The following TSHR variants were observed in gnomAD, a reference collection of about 807,000 sequenced individuals.
TSHR encodes thyrotropin receptor.
Under a neutral mutation model 64.1 loss-of-function variants are expected in TSHR, and 51 were observed. That is an observed-to-expected ratio of 0.80 (90% CI 0.64 to 1.01). TSHR has a LOEUF of 1.01. TSHR is among the 50% of genes least tolerant of loss of function. The pLI is 0.00. For synonymous variants in TSHR, 361 were observed against 361.9 expected (o/e 1.00, Z 0.03); for missense variants, 877 against 942.8 (o/e 0.93, Z 0.91).
chr14:81,094,173 A>T (rs1386925069), intron 6 of TSHR: 1 of 152,244 alleles, frequency 6.6e-6, no homozygotes, highest in Admixed American at 6.5e-5. Flanking sequence ...TCAAAAAACT[A>T]TCAACTTGAA....
At chr14:81,011,181 A>C (rs1415150024) in intron 1 of TSHR, among the ~76,000 whole-genome samples, 1 of 151,486 alleles carries the variant, frequency 6.6e-6, no homozygotes, top group Non-Finnish European at 1.5e-5. Context: ...GAATTGAAAC[A>C]CTTTTCTTTT....
intron 1 of TSHR, among the ~76,000 whole-genome samples, chr14:81,059,722 T>C (rs1345850953): frequency 6.6e-6 from 1 of 152,150 alleles, no homozygotes; most frequent in Non-Finnish European, 1.5e-5. Context: ...TAATCCTTAT[T>C]GGTCTATATA....
intron 3 of TSHR, among the ~76,000 whole-genome samples, chr14:81,082,620 G>GA (rs1887988251): frequency 6.6e-6 from 1 of 152,004 alleles, no homozygotes; most frequent in Admixed American, 6.6e-5. Flanking sequence ...AAGTAAACGG[G>GA]AAAAAAATTG....
chr14:81,085,649 TTC>T (rs1888233679), intron 3 of TSHR, among the ~76,000 whole-genome samples: 1 of 152,338 alleles, frequency 6.6e-6, no homozygotes, highest in African/African-American at 2.4e-5. Context: ...GGGCTGCATT[TTC>T]TTTCACTCTG....
At chr14:81,011,809 G>A (rs928442199) in intron 1 of TSHR, among the ~76,000 whole-genome samples, 6 of 152,008 alleles carry the variant, frequency 3.9e-5, no homozygotes, top group East Asian at 1.9e-4. Flanking sequence ...GCAGTGAGCC[G>A]AGATCGCGCC....
At chr14:81,041,435 G>A (rs1434070479) in intron 1 of TSHR, among the ~76,000 whole-genome samples, 1 of 152,108 alleles carries the variant, frequency 6.6e-6, no homozygotes, top group South Asian at 2.1e-4. Flanking sequence ...ACCAAATACA[G>A]CATGTCCTCA....
chr14:81,119,756 A>G (rs1409307432), intron 8 of TSHR, among the ~76,000 whole-genome samples: 2 of 118,186 alleles, frequency 1.7e-5, no homozygotes, highest in African/African-American at 7.6e-5. Context: ...ACTATTCACA[A>G]TAGCAAAGAC....
At chr14:81,125,341 G>T (rs1459005659) in intron 8 of TSHR, among the ~76,000 whole-genome samples, 1 of 152,192 alleles carries the variant, frequency 6.6e-6, no homozygotes, top group African/African-American at 2.4e-5. Context: ...CAGGCAAAAG[G>T]ATAGTGTTGG....
intron 1 of TSHR, among the ~76,000 whole-genome samples, chr14:81,057,392 CAA>C (rs1187440017): frequency 1.3e-5 from 2 of 151,836 alleles, no homozygotes; most frequent in Non-Finnish European, 2.9e-5. Flanking sequence ...GCCTGGGTGA[CAA>C]GAGTGAAACT....
intron 8 of TSHR, among the ~76,000 whole-genome samples, chr14:81,115,618 C>T (rs912776675): frequency 2.0e-5 from 3 of 151,814 alleles, no homozygotes; most frequent in Non-Finnish European, 2.9e-5. Context: ...AGGATATTAT[C>T]CAGGAGAAAT....
At chr14:81,038,350 G>C (rs2139838997) in intron 1 of TSHR, among the ~76,000 whole-genome samples, 1 of 151,322 alleles carries the variant, frequency 6.6e-6, no homozygotes, top group South Asian at 2.1e-4. Flanking sequence ...TAAGAGGGAA[G>C]TTTATAGCAA....
chr14:81,066,275 C>A (rs1039711891), intron 2 of TSHR, among the ~76,000 whole-genome samples: 2 of 152,284 alleles, frequency 1.3e-5, no homozygotes, highest in Non-Finnish European at 2.9e-5. Context: ...CTTAGGGAAA[C>A]AAGTTGGCAG....
intron 3 of TSHR, among the ~76,000 whole-genome samples, chr14:81,072,790 G>T (rs569852075): frequency 1.5e-5 from 2 of 137,798 alleles, no homozygotes; most frequent in African/African-American, 6.7e-5. Context: ...GAGGTCAGGA[G>T]ATCGAGACCA....
At chr14:81,060,298 TG>T (rs1170054295) in intron 1 of TSHR, among the ~76,000 whole-genome samples, 2 of 152,160 alleles carry the variant, frequency 1.3e-5, no homozygotes, top group Non-Finnish European at 2.9e-5. Context: ...TCCTTTGGCA[TG>T]GCCCAATTTT....
At chr14:81,087,607 G>T in intron 3 of TSHR, 1 of 334,576 alleles carries the variant, frequency 3.0e-6, no homozygotes, top group Admixed American at 4.3e-5. Context: ...AAAGATATTT[G>T]TCTTCAACTC....
intron 1 of TSHR, among the ~76,000 whole-genome samples, chr14:81,049,084 C>A (rs1250338825): frequency 6.6e-6 from 1 of 152,036 alleles, no homozygotes; most frequent in Non-Finnish European, 1.5e-5. Flanking sequence ...AGAACCTAAC[C>A]AGGACATTAA....
chr14:81,029,343 A>G (rs965667178), intron 1 of TSHR, among the ~76,000 whole-genome samples: 2 of 151,968 alleles, frequency 1.3e-5, no homozygotes, highest in African/African-American at 4.8e-5. Flanking sequence ...ACTTTTGAGG[A>G]TTATATATAT....
chr14:81,110,544 T>C (rs12878605), intron 8 of TSHR, among the ~76,000 whole-genome samples: 96,524 of 152,088 alleles, frequency 0.63, 31,071 homozygotes, highest in South Asian at 0.73. Flanking sequence ...GTTGTTTAAA[T>C]CAGCCAATCT....
chr14:81,142,260 C>T (rs1380126571), intron 9 of TSHR, among the ~76,000 whole-genome samples: 2 of 152,068 alleles, frequency 1.3e-5, no homozygotes, highest in Non-Finnish European at 2.9e-5. Context: ...TTTGGATTTT[C>T]AGTAGAGATG....
Sources: allele counts gnomAD v4.1 joint callset (sites outside exome capture counted in the v4.1 genomes callset), GRCh38; gene constraint gnomAD v4.1.1; transcripts MANE v1.5; gene names NCBI Gene and HGNC (gene_info 2026-07-23, HGNC 2026-07-21).